CIDEC: variants seen among roughly 807,000 people sequenced by gnomAD.
CIDEC encodes cell death inducing DFFA like effector c.
CIDEC carries 11 observed loss-of-function variants against 21.9 expected under a neutral mutation model. The ratio of observed to expected loss-of-function variants is 0.50; its 90% CI spans 0.32 to 0.83. The LOEUF (loss-of-function observed/expected upper bound fraction) is 0.83, where lower values mean the gene tolerates loss of function less well. Among genes scored for constraint, CIDEC ranks in the 40% least tolerant of loss-of-function variants. The pLI, the probability that CIDEC is intolerant of heterozygous loss-of-function variation, is 0.04. For missense variants in CIDEC, 302 were observed against 302.3 expected, an observed-to-expected ratio of 1.00 and a Z score of 0.01; for synonymous variants, 127 against 124.9, an observed-to-expected ratio of 1.02 and a Z score of -0.11.
chr3:9,872,658 T>TAGAAAAA (rs1231880197), intron 4 of CIDEC, among the ~76,000 whole-genome samples: 236 of 152,312 alleles, frequency 1.5e-3, no homozygotes, highest in Middle Eastern at 6.8e-3. Context: ...TTTTGTGGGC[T>TAGAAAAA]GTGTTTTTTA....
intron 2 of CIDEC, 73 bp downstream of exon 2, chr3:9,878,869 G>C (rs951864084): frequency 7.7e-5 from 115 of 1,484,824 alleles, no homozygotes; most frequent in Non-Finnish European, 9.9e-5. Flanking sequence ...TCCTGTCCAT[G>C]GGGACAGAGT....
Position 9,870,327 on chromosome 3 carries a change from G to A in CIDEC, c.208-5C>T. ...CAGCATCAGAGTGTCCCGGACCTGG[G>A]GAATAAGGTCAGTGATGCTTCTGCC... On this transcript the variant is annotated splice_region_variant and splice_polypyrimidine_tract_variant and intron_variant, in intron 4 of 6. Transcript: ENST00000336832. The A allele has an allele frequency of 6.2e-7, 1 of 1,612,716 alleles. No individual in the cohort carries two copies. The highest frequency in any genetic ancestry group is 1.7e-5 in the Admixed American group (1 of 60,014).
At chr3:9,873,270 A>T (rs536326140) in intron 4 of CIDEC, among the ~76,000 whole-genome samples, 244 of 152,324 alleles carry the variant, frequency 1.6e-3, no homozygotes, top group Middle Eastern at 0.01. Flanking sequence ...TCATCAAAAA[A>T]AGTTGAGGCA....
rs61742367 is a variant in CIDEC at position 9,877,127 on chromosome 3, G to C, written c.146C>G (p.Thr49Arg). 35 of 1,552,452 alleles carry C rather than the reference G, an allele frequency of 2.3e-5. No homozygotes were observed. In the South Asian group the frequency reaches 4.0e-4, roughly 18 times the overall value. Residue 49 changes from threonine to arginine, a missense_variant, in exon 4 of 7, where the codon ACG (threonine) becomes AGG (arginine). By Grantham distance (71) the Thr-to-Arg change is moderately conservative. Transcript: ENST00000336832. ...GCCCTTCCTCACGCTTCGATCCGCC[G>C]TGCTTACGCGGCAGGGCCGGGCCCT... ...APRARPCRVS[T>R]ADRSVRKGIM...
intron 1 of CIDEC, 105 bp downstream of exon 1, chr3:9,880,119 C>G (rs2082484784): frequency 6.6e-6 from 1 of 151,996 alleles, no homozygotes; most frequent in African/African-American, 2.4e-5. Context: ...CTCAGCCTCA[C>G]CCACTTCGTA....
chr3:9,867,834 G>A (rs1397966895), intron 6 of CIDEC, among the ~76,000 whole-genome samples: 1 of 151,866 alleles, frequency 6.6e-6, no homozygotes, highest in Non-Finnish European at 1.5e-5. Flanking sequence ...GGAAGCTGAG[G>A]CACGAAAATC....
chr3:9,877,223 G>C lies in CIDEC; in HGVS notation c.54-4C>G, dbSNP rs1471918890. 6 of 1,549,806 alleles carry C rather than the reference G, an allele frequency of 3.9e-6. No individual in the cohort carries two copies. Among genetic ancestry groups the C allele is most frequent in the Non-Finnish European group, 5.2e-6 (6 of 1,146,986 alleles). On this transcript the variant is annotated splice_region_variant and splice_polypyrimidine_tract_variant and intron_variant, in intron 3 of 6. Transcript: ENST00000336832. ...AGAGGTACGCACTGACACATGCCTG[G>C]GGCAGTTGAAGCATCAGGGTGAGCC...
chr3:9,880,017 C>T (rs539263298), intron 1 of CIDEC, among the ~76,000 whole-genome samples: 94 of 152,144 alleles, frequency 6.2e-4, no homozygotes, highest in Admixed American at 2.2e-3. Context: ...CAGACCAGGC[C>T]CCACAGAGGC....
intron 3 of CIDEC, chr3:9,877,972 G>C: frequency 5.7e-6 from 1 of 176,282 alleles, no homozygotes; most frequent in Admixed American, 5.4e-5. Flanking sequence ...GTCAATGTAA[G>C]GTATTTTTTT....
chr3:9,877,127 G>T lies in CIDEC; in HGVS notation c.146C>A (p.Thr49Lys). ...GCCCTTCCTCACGCTTCGATCCGCC[G>T]TGCTTACGCGGCAGGGCCGGGCCCT... Reference protein sequence around the residue: ...APRARPCRVSTADRSVRKGIM... With the variant: ...APRARPCRVSKADRSVRKGIM... Residue 49 changes from threonine to lysine, a missense_variant, in exon 4 of 7, where the codon ACG becomes AAG. Transcript: ENST00000336832. 1 of 1,552,564 alleles carries T rather than the reference G, an allele frequency of 6.4e-7. No individual in the cohort carries two copies. Among genetic ancestry groups the T allele is most frequent in the Non-Finnish European group, 8.7e-7 (1 of 1,147,420 alleles).
rs2082469642 is a variant in CIDEC, at chr3:9,879,065, A to AGAG, written c.-138-14_-138-12dup. On this transcript the variant is annotated splice_polypyrimidine_tract_variant and intron_variant, in intron 1 of 6. Transcript: ENST00000336832. ...GGCCAAAAGAACATTCTGTGATGAT[A>AGAG]GAGGCATGCCTTGTACATACTCTCC... The AGAG allele has an allele frequency of 3.5e-6, 2 of 566,408 alleles. No individual in the cohort carries two copies. Among genetic ancestry groups the AGAG allele is most frequent in the Non-Finnish European group, 6.3e-6 (2 of 315,808 alleles). The allele number at this position is 566,408 out of a possible 1,614,324, so 35.1% of individuals were successfully genotyped here. A position where few individuals can be genotyped will look rare whatever the true frequency, so the allele number is the denominator to read the frequency against.
chr3:9,871,879 C>T (rs2082352753), intron 4 of CIDEC, among the ~76,000 whole-genome samples: 1 of 152,200 alleles, frequency 6.6e-6, no homozygotes, highest in Admixed American at 6.5e-5. Flanking sequence ...ATCCGCCTGC[C>T]TCGGCCTCCC....
intron 4 of CIDEC, 53 bp from the exon 5 acceptor site, chr3:9,870,375 C>T: frequency 1.2e-6 from 2 of 1,603,422 alleles, no homozygotes; most frequent in East Asian, 2.2e-5. Flanking sequence ...GTGGGCTGGA[C>T]TCTATGAGGT....
intron 6 of CIDEC, among the ~76,000 whole-genome samples, chr3:9,868,211 C>G (rs1005339144): frequency 6.6e-6 from 1 of 152,154 alleles, no homozygotes; most frequent in Non-Finnish European, 1.5e-5. Flanking sequence ...CATGCAAAAC[C>G]CCAGCTCATT....
Position 9,866,830 on chromosome 3 carries a change from C to G in CIDEC, c.*304G>C. The G allele has an allele frequency of 1.7e-6, 1 of 592,104 alleles. No homozygotes were observed. The highest frequency in any genetic ancestry group is 2.0e-5 in the South Asian group (1 of 49,570). 36.7% of individuals were successfully genotyped at this position (592,104 alleles called of 1,614,324 possible). On this transcript the variant is annotated 3_prime_UTR_variant, in exon 7 of 7. Transcript: ENST00000336832. ...GGTAGAGAGCACCATGAAAGTACAGCCTGCGAGGCCAGATTGCTAAGGGGC... is the reference window on the plus strand; with the variant it reads ...GGTAGAGAGCACCATGAAAGTACAGGCTGCGAGGCCAGATTGCTAAGGGGC...
intron 4 of CIDEC, among the ~76,000 whole-genome samples, chr3:9,875,237 C>T (rs1026407618): frequency 2.6e-5 from 4 of 151,826 alleles, no homozygotes; most frequent in Admixed American, 1.3e-4. Context: ...ATTAGCTGGG[C>T]GCGGTGGCGG....
chr3:9,876,878 G>GC (rs1226898064), intron 4 of CIDEC, among the ~76,000 whole-genome samples, 188 bp downstream of exon 4: 1 of 151,364 alleles, frequency 6.6e-6, no homozygotes, highest in East Asian at 1.9e-4. Context: ...GTAACGTACT[G>GC]CCCCCCTCCT....
intron 6 of CIDEC, among the ~76,000 whole-genome samples, chr3:9,867,638 A>G (rs2082291077): frequency 6.6e-6 from 1 of 150,856 alleles, no homozygotes; most frequent in Admixed American, 6.6e-5. Context: ...ATCAAACAAA[A>G]AACACAAGGC....
chr3:9,873,376 C>T (rs573324925), intron 4 of CIDEC, among the ~76,000 whole-genome samples: 42 of 152,276 alleles, frequency 2.8e-4, no homozygotes, highest in Admixed American at 7.8e-4. Flanking sequence ...CTTTGGGAGG[C>T]CAAGGCCAAG....
Sources: allele counts gnomAD v4.1 joint callset (sites outside exome capture counted in the v4.1 genomes callset), GRCh38; gene constraint gnomAD v4.1.1; transcripts MANE v1.5; gene names NCBI Gene and HGNC (gene_info 2026-07-23, HGNC 2026-07-21).